The following ANKRD11 variants were observed in gnomAD, a reference collection of about 807,000 sequenced individuals.
The protein encoded by ANKRD11 is ankyrin repeat domain 11.
Under a neutral mutation model 195.7 loss-of-function variants are expected in ANKRD11, and 17 were observed. That is an observed-to-expected ratio of 0.09 (90% confidence interval 0.06 to 0.13). ANKRD11 has a LOEUF of 0.13. Among genes scored for constraint, ANKRD11 ranks in the 10% least tolerant of loss-of-function variants. The pLI, the probability that ANKRD11 is intolerant of heterozygous loss-of-function variation, is 1.00. For synonymous variants in ANKRD11, 1,953 were observed against 1,528.1 expected, an observed-to-expected ratio of 1.28 and a Z score of -6.49; for missense variants, 3,735 against 3,566.1, an observed-to-expected ratio of 1.05 and a Z score of -1.21.
At chr16:89,441,797 A>C (rs2043515873) in intron 1 of ANKRD11, among the ~76,000 whole-genome samples, 2 of 138,074 alleles carry the variant, frequency 1.4e-5, no homozygotes, top group African/African-American at 2.7e-5. Context: ...AAAAAAACGC[A>C]AACCTGACTC....
chr16:89,268,228 C>G lies in ANKRD11; in HGVS notation c.*250G>C. 3.9e-6 allele frequency: 1 copy of G among 255,114 alleles called. No individual in the cohort carries two copies. Among genetic ancestry groups the G allele is most frequent in the East Asian group, 8.9e-5 (1 of 11,254 alleles). 15.8% of individuals were successfully genotyped at this position (255,114 alleles called of 1,614,324 possible). On this transcript the variant is annotated 3_prime_UTR_variant, in exon 13 of 13. Transcript: ENST00000301030. ...TGCGCGCCCGGCATGGTCTCCTCAT[C>G]CCGCCGGGGCCAGTGAGGCTCTGGG... is the stretch of plus-strand genomic sequence containing the variant.
intron 2 of ANKRD11, among the ~76,000 whole-genome samples, chr16:89,350,030 ACACATGCTT>A (rs1344442201): frequency 1.3e-5 from 2 of 152,186 alleles, no homozygotes; most frequent in Non-Finnish European, 1.5e-5. Context: ...GAAAGTGAAG[ACACATGCTT>A]CACCAAAGCA....
intron 12 of ANKRD11, 108 bp from the exon 13 acceptor site, chr16:89,268,771 C>A: frequency 7.4e-7 from 1 of 1,343,590 alleles, no homozygotes; most frequent in Non-Finnish European, 1.0e-6. Context: ...GGCCGTGAAC[C>A]TACCCTGGTA....
At chr16:89,365,749 G>A (rs974989328) in intron 2 of ANKRD11, among the ~76,000 whole-genome samples, 3 of 152,068 alleles carry the variant, frequency 2.0e-5, no homozygotes, top group African/African-American at 7.2e-5. Context: ...CGGGTTGCAG[G>A]TTTGTTACGT....
intron 1 of ANKRD11, among the ~76,000 whole-genome samples, chr16:89,479,137 C>T (rs1319248905): frequency 6.6e-6 from 1 of 152,080 alleles, no homozygotes; most frequent in African/African-American, 2.4e-5. Context: ...CACGCCACCA[C>T]CTACCCCACA....
At position 89,441,761 on chromosome 16, in the gene ANKRD11, C is replaced by T. The variant is rs2911267; in HGVS notation, c.-144-23393G>A. 4.9e-3 allele frequency among the ~76,000 whole-genome samples: 207 copies of T among 41,898 alleles called. 1 individual carries two copies. Among genetic ancestry groups the T allele is most frequent in the African/African-American group, 0.015 (183 of 12,158 alleles). The allele number at this position is 41,898 out of a possible 152,430, so 27.5% of individuals were successfully genotyped here. A position where few individuals can be genotyped will look rare whatever the true frequency, so the allele number is the denominator to read the frequency against. ...CAGCCTGGGCAACAGAGCGAGACTC[C>T]GCCTACAAAAAAAAAAAAAAAAAAA... On this transcript the variant is annotated intron_variant, in intron 1 of 12. Transcript: ENST00000301030.
chr16:89,421,566 G>A (rs1359164635), intron 1 of ANKRD11, among the ~76,000 whole-genome samples: 1 of 101,872 alleles, frequency 9.8e-6, no homozygotes, highest in African/African-American at 4.8e-5. Context: ...GTCTGGGGGC[G>A]GGGGTGAGAC....
chr16:89,433,105 T>G (rs2043067636), intron 1 of ANKRD11, among the ~76,000 whole-genome samples: 1 of 152,152 alleles, frequency 6.6e-6, no homozygotes, highest in Admixed American at 6.5e-5. Flanking sequence ...TTTTACCCTT[T>G]TGATCCATTC....
intron 1 of ANKRD11, chr16:89,420,055 G>C (rs1392195264): frequency 1.3e-5 from 2 of 152,244 alleles, no homozygotes; most frequent in Non-Finnish European, 2.9e-5. Context: ...TGCGCCTGTA[G>C]CCGGAGCTAC....
rs199966235 is a variant in ANKRD11 at position 89,274,894 on chromosome 16, T to A, written c.7633A>T (p.Ile2545Phe). The change falls in exon 11 of 13, where the codon ATC becomes TTC. Residue 2545 changes from isoleucine to phenylalanine, a missense_variant. Transcript: ENST00000301030. ...CTGAATGGCACTGCCTGGTTGGCGATGGTCCTGGCCGCCCGGCAGTGAACC... is the reference window on the plus strand; with the variant it reads ...CTGAATGGCACTGCCTGGTTGGCGAAGGTCCTGGCCGCCCGGCAGTGAACC... ...LRVHCRAART[I>F]ANQAVPFSAC... The A allele has an allele frequency of 6.2e-7, 1 of 1,613,658 alleles. No individual in the cohort carries two copies. Among genetic ancestry groups the A allele is most frequent in the Non-Finnish European group, 8.5e-7 (1 of 1,179,996 alleles).
At chr16:89,330,776 C>T (rs2038024064) in intron 2 of ANKRD11, among the ~76,000 whole-genome samples, 1 of 151,552 alleles carries the variant, frequency 6.6e-6, no homozygotes, top group South Asian at 2.1e-4. Context: ...CTCTAGCCCA[C>T]ACTCTGCAGA....
chr16:89,489,410 C>T (rs1020850485), intron 1 of ANKRD11, among the ~76,000 whole-genome samples: 1 of 145,314 alleles, frequency 6.9e-6, no homozygotes, highest in African/African-American at 2.6e-5. Flanking sequence ...CCCACACCCG[C>T]CCGCCTACCC....
intron 2 of ANKRD11, among the ~76,000 whole-genome samples, chr16:89,328,251 C>T (rs182025479): frequency 4.6e-5 from 7 of 152,160 alleles, no homozygotes; most frequent in Non-Finnish European, 8.8e-5. Context: ...GCTGTGGGAA[C>T]GCAAAGTGGT....
Position 89,280,514 on chromosome 16 carries a change from C to T in ANKRD11, c.6028G>A (p.Ala2010Thr), listed in dbSNP as rs151329092. The T allele has an allele frequency of 3.1e-6, 5 of 1,609,016 alleles. No individual in the cohort carries two copies. The highest frequency in any genetic ancestry group is 2.7e-5 in the African/African-American group (2 of 74,962). ...LHSAAPGPFS[A>T]SEAPYPAPPA... Reference sequence around the variant, plus strand: ...GGGGCGGGGTACGGCGCCTCCGAGGCGCTGAAGGGCCCTGGGGCGGCAGAG... The same window carrying T: ...GGGGCGGGGTACGGCGCCTCCGAGGTGCTGAAGGGCCCTGGGGCGGCAGAG... Residue 2010 changes from alanine to threonine, a missense_variant, in exon 9 of 13, where the codon GCC (alanine) becomes ACC (threonine). Coordinates refer to ENST00000301030, the MANE Select transcript of ANKRD11 (RefSeq NM_013275.6).
chr16:89,382,821 A>T lies in ANKRD11; in HGVS notation c.-60+35463T>A, dbSNP rs148411337. 5.7e-4 allele frequency among the ~76,000 whole-genome samples: 87 copies of T among 152,238 alleles called. 1 individual carries two copies. Among genetic ancestry groups the T allele is most frequent in the African/African-American group, 1.8e-3 (75 of 41,552 alleles). Reference sequence around the variant, plus strand: ...CCACCACCTTGACATCATATCCAAGAAACAAAAGTAGAGTTTCCTTTGTTT... The same window carrying T: ...CCACCACCTTGACATCATATCCAAGTAACAAAAGTAGAGTTTCCTTTGTTT... On this transcript the variant is annotated intron_variant, in intron 2 of 12. Transcript: ENST00000301030.
At chr16:89,309,245 G>A (rs931437468) in intron 3 of ANKRD11, among the ~76,000 whole-genome samples, 1 of 152,222 alleles carries the variant, frequency 6.6e-6, no homozygotes, top group Non-Finnish European at 1.5e-5. Context: ...CCACAGCCAC[G>A]AAGGGAGAGA....
rs1567574706 is a variant in ANKRD11, at chr16:89,283,478, T to C, written c.3064A>G (p.Lys1022Glu). The change falls in exon 9 of 13, where the codon AAG (lysine) becomes GAG (glutamate). Residue 1022 changes from lysine (K) to glutamate (E), a missense_variant. Coordinates refer to ENST00000301030, the MANE Select transcript of ANKRD11 (RefSeq NM_013275.6). The surrounding 1 kb of genome is among the most constrained non-coding windows in gnomAD (Gnocchi z 4.3). ...TCTTTGTATCTTTCTGGTTTTGTCT[T>C]CTCCTTCCTTTCCTTATCGGGGCCA... is the stretch of plus-strand genomic sequence containing the variant. The part of the protein sequence containing the change: ...KDGPDKERKE[K>E]TKPERYKEKS... 1 of 1,614,188 alleles carries C rather than the reference T, an allele frequency of 6.2e-7. No homozygotes were observed.
At chr16:89,292,477 AG>A (rs1222113109) in intron 4 of ANKRD11, among the ~76,000 whole-genome samples, 1 of 152,100 alleles carries the variant, frequency 6.6e-6, no homozygotes, top group African/African-American at 2.4e-5. Context: ...CACCCACTCT[AG>A]TTCTTTCCAA....
Position 89,280,288 on chromosome 16 carries a change from C to G in ANKRD11, c.6254G>C (p.Cys2085Ser), listed in dbSNP as rs755786402. The G allele has an allele frequency of 1.1e-4, 173 of 1,602,200 alleles. No individual in the cohort carries two copies. The highest frequency in any genetic ancestry group is 1.4e-4 in the Non-Finnish European group (161 of 1,175,030). ...CTCCACCTGAGCCACAGCGGCTACACAGGCGGGCTCGGGGGCCACGTCCAG... is the reference window on the plus strand; with the variant it reads ...CTCCACCTGAGCCACAGCGGCTACAGAGGCGGGCTCGGGGGCCACGTCCAG... Reference protein sequence around the residue: ...APLDVAPEPACVAAVAQVEAL... With the variant: ...APLDVAPEPASVAAVAQVEAL... Residue 2085 changes from cysteine (C) to serine (S), a missense_variant, in exon 9 of 13, where the codon TGT (cysteine) becomes TCT (serine). Coordinates refer to ENST00000301030, the MANE Select transcript of ANKRD11 (RefSeq NM_013275.6).
Sources: allele counts gnomAD v4.1 joint callset (sites outside exome capture counted in the v4.1 genomes callset), GRCh38; gene constraint gnomAD v4.1.1; non-coding constraint Gnocchi (gnomAD v3.1); transcripts MANE v1.5; gene names NCBI Gene and HGNC (gene_info 2026-07-23, HGNC 2026-07-21).